The following LRP1B variants were observed in gnomAD, a reference collection of about 807,000 sequenced individuals.
LRP1B encodes LDL receptor related protein 1B.
LRP1B carries 217 observed loss-of-function variants against 556.6 expected under a neutral mutation model. The observed-to-expected ratio is 0.39, with a 90% CI of 0.35 to 0.44. The LOEUF (loss-of-function observed/expected upper bound fraction) is 0.44, where lower values mean the gene tolerates loss of function less well. Ranked by LOEUF, LRP1B falls within the 20% of genes least tolerant of loss-of-function variation. LRP1B has a pLI of 1.00. For missense variants in LRP1B, 5,053 were observed against 5,620.8 expected, an observed-to-expected ratio of 0.90 and a Z score of 3.23; for synonymous variants, 2,047 against 1,865.8, an observed-to-expected ratio of 1.10 and a Z score of -2.50.
intron 3 of LRP1B, among the ~76,000 whole-genome samples, chr2:141,471,390 T>A (rs942686920): frequency 6.6e-6 from 1 of 151,996 alleles, no homozygotes; most frequent in Non-Finnish European, 1.5e-5. Flanking sequence ...TTCCTGAGTA[T>A]TTTTTCAGGT....
chr2:140,816,832 T>G (rs1691142130), intron 31 of LRP1B, among the ~76,000 whole-genome samples: 1 of 152,160 alleles, frequency 6.6e-6, no homozygotes, highest in African/African-American at 2.4e-5. Context: ...TCTCTGAAGT[T>G]TATTAATGCA....
intron 66 of LRP1B, among the ~76,000 whole-genome samples, chr2:140,393,774 CATT>C (rs1684129329): frequency 6.6e-6 from 1 of 152,088 alleles, no homozygotes; most frequent in Admixed American, 6.6e-5. Context: ...CAGATTATAA[CATT>C]ATGGAGTCAC....
chr2:140,711,025 A>G (rs1181990084), intron 37 of LRP1B, among the ~76,000 whole-genome samples: 1 of 151,976 alleles, frequency 6.6e-6, no homozygotes, highest in East Asian at 1.9e-4. Context: ...TAAGGTTGGT[A>G]AAATAGAAGA....
At chr2:141,657,196 T>C (rs1337012414) in intron 2 of LRP1B, among the ~76,000 whole-genome samples, 1 of 152,078 alleles carries the variant, frequency 6.6e-6, no homozygotes, top group African/African-American at 2.4e-5. Context: ...CAATGCAAAA[T>C]GTTTGTATTT....
intron 2 of LRP1B, among the ~76,000 whole-genome samples, chr2:141,772,602 A>G (rs1323560449): frequency 6.6e-6 from 1 of 152,194 alleles, no homozygotes; most frequent in Non-Finnish European, 1.5e-5. Flanking sequence ...CTAAAGTTTG[A>G]GAATCACTGC....
chr2:140,622,192 T>C (rs532662), intron 41 of LRP1B, among the ~76,000 whole-genome samples: 111,346 of 152,098 alleles, frequency 0.73, 40,861 homozygotes, highest in South Asian at 0.76. Context: ...GTGCAATATG[T>C]TTGATTCAAG....
intron 1 of LRP1B, among the ~76,000 whole-genome samples, chr2:142,125,531 G>C (rs1477708892): frequency 1.3e-5 from 2 of 151,754 alleles, no homozygotes; most frequent in East Asian, 1.9e-4. Context: ...TATTTTTAGA[G>C]ATATTTTCAT....
At chr2:141,671,945 A>C (rs1024840136) in intron 2 of LRP1B, among the ~76,000 whole-genome samples, 2 of 152,050 alleles carry the variant, frequency 1.3e-5, no homozygotes, top group Non-Finnish European at 2.9e-5. Flanking sequence ...ACTGAACCAG[A>C]CCAACAGGGT....
chr2:140,852,184 G>T (rs546395581), intron 27 of LRP1B, among the ~76,000 whole-genome samples: 1 of 152,064 alleles, frequency 6.6e-6, no homozygotes, highest in African/African-American at 2.4e-5. Context: ...AAAATTTGCC[G>T]AGCGTGGTGA....
intron 2 of LRP1B, among the ~76,000 whole-genome samples, chr2:141,480,912 A>G (rs1559096001): frequency 6.6e-6 from 1 of 152,158 alleles, no homozygotes; most frequent in Non-Finnish European, 1.5e-5. Context: ...ACTATGGATA[A>G]TGGTTCTCCG....
At chr2:140,695,872 T>C (rs1217770889) in intron 41 of LRP1B, among the ~76,000 whole-genome samples, 1 of 152,214 alleles carries the variant, frequency 6.6e-6, no homozygotes, top group African/African-American at 2.4e-5. Context: ...AATTGTATTT[T>C]ATGGCTATTG....
intron 32 of LRP1B, among the ~76,000 whole-genome samples, chr2:140,800,469 T>C (rs558414109): frequency 1.4e-4 from 22 of 152,294 alleles, no homozygotes; most frequent in African/African-American, 5.3e-4. Context: ...TAGCTGAGCC[T>C]CAGCTGAGAT....
intron 35 of LRP1B, among the ~76,000 whole-genome samples, chr2:140,740,266 A>G (rs748798540): frequency 3.3e-5 from 5 of 152,298 alleles, no homozygotes; most frequent in Admixed American, 6.5e-5. Context: ...ACCAACCCAA[A>G]TGCCCATCAA....
chr2:141,799,435 C>T (rs916434982), intron 2 of LRP1B, among the ~76,000 whole-genome samples: 1 of 152,072 alleles, frequency 6.6e-6, no homozygotes, highest in Non-Finnish European at 1.5e-5. Context: ...AGGGGTTGCA[C>T]GCCAAGACAT....
At chr2:141,464,584 G>GTATA (rs1236041290) in intron 3 of LRP1B, among the ~76,000 whole-genome samples, 898 of 88,350 alleles carry the variant, frequency 0.01, 73 homozygotes, top group African/African-American at 0.032. Flanking sequence ...GGCTAATTTT[G>GTATA]TATATATATA....
chr2:141,304,747 C>T (rs1044116791), intron 3 of LRP1B, among the ~76,000 whole-genome samples: 1 of 151,826 alleles, frequency 6.6e-6, no homozygotes, highest in East Asian at 1.9e-4. Flanking sequence ...GTGATCCACC[C>T]GCCTCAGCCT....
rs1487317801 is a variant in LRP1B at position 141,411,776 on chromosome 2, T to C, written c.343+68620A>G. 2.6e-5 allele frequency among the ~76,000 whole-genome samples: 4 copies of C among 152,238 alleles called. No homozygotes were observed. In the South Asian group the frequency reaches 6.2e-4, roughly 24 times the overall value. On this transcript the variant is annotated intron_variant, in intron 3 of 90. Transcript: ENST00000389484. Reference sequence around the variant, plus strand: ...AAGGAAAATAATGGAATATAAAGCATTGCTGATAAAAATATTATTCTAAAT... The same window carrying C: ...AAGGAAAATAATGGAATATAAAGCACTGCTGATAAAAATATTATTCTAAAT...
At chr2:141,763,852 T>C (rs537811408) in intron 2 of LRP1B, among the ~76,000 whole-genome samples, 1 of 151,516 alleles carries the variant, frequency 6.6e-6, no homozygotes, top group African/African-American at 2.4e-5. Context: ...GGCAAAATGA[T>C]TTCAAGTATA....
intron 84 of LRP1B, among the ~76,000 whole-genome samples, chr2:140,284,532 A>T (rs575392877): frequency 6.6e-6 from 1 of 151,684 alleles, no homozygotes; most frequent in South Asian, 2.1e-4. Context: ...AGAGAATACA[A>T]CACCATCTTA....
Sources: gnomAD v4.1 joint callset for allele counts (sites outside exome capture counted in the v4.1 genomes callset) on GRCh38, gnomAD v4.1.1 for gene constraint, MANE v1.5 for transcripts, NCBI Gene and HGNC (gene_info 2026-07-23, HGNC 2026-07-21) for gene names.